Variants in ARHGAP31 observed in about 807,000 individuals in gnomAD.
ARHGAP31 encodes rho GTPase-activating protein 31.
A neutral mutation model predicts 113.9 loss-of-function variants in ARHGAP31; 34 were observed. The ratio of observed to expected loss-of-function variants is 0.30; its 90% CI spans 0.23 to 0.40. The LOEUF (loss-of-function observed/expected upper bound fraction) is 0.40, where lower values mean the gene tolerates loss of function less well. Ranked by LOEUF, ARHGAP31 falls within the 10% of genes least tolerant of loss-of-function variation. The pLI, the probability that ARHGAP31 is intolerant of heterozygous loss-of-function variation, is 1.00. For missense variants in ARHGAP31, 1,548 were observed against 1,767.1 expected, an observed-to-expected ratio of 0.88 and a Z score of 2.22; for synonymous variants, 650 against 684.8, an observed-to-expected ratio of 0.95 and a Z score of 0.79.
intron 3 of ARHGAP31, among the ~76,000 whole-genome samples, chr3:119,379,740 G>T (rs1240188385): frequency 2.0e-5 from 3 of 151,894 alleles, no homozygotes; most frequent in African/African-American, 7.3e-5. Context: ...TGATCTAGGT[G>T]GGTTACCTAG....
chr3:119,320,979 CTT>C lies in ARHGAP31; in HGVS notation c.100+25976_100+25977del, dbSNP rs913804495. ...TCTCCTTGCAAAAGCTCTCTCTTCT[CTT>C]GAGTGCCTTTAATCTTCCACCATGA... On this transcript the variant is annotated intron_variant, in intron 1 of 11. Transcript: ENST00000264245. 5.4e-4 allele frequency among the ~76,000 whole-genome samples: 82 copies of C among 152,218 alleles called. 1 individual carries two copies. The highest frequency in any genetic ancestry group is 1.2e-3 in the Admixed American group (18 of 15,278).
chr3:119,331,244 A>G (rs2079888981), intron 1 of ARHGAP31, among the ~76,000 whole-genome samples: 1 of 152,194 alleles, frequency 6.6e-6, no homozygotes, highest in African/African-American at 2.4e-5. Context: ...ACATTTCTGT[A>G]GCACTCCATG....
intron 11 of ARHGAP31, among the ~76,000 whole-genome samples, chr3:119,411,155 G>A (rs1352503513): frequency 6.6e-6 from 1 of 152,198 alleles, no homozygotes; most frequent in Non-Finnish European, 1.5e-5. Flanking sequence ...AGACTCAGGG[G>A]GATGCAGGAG....
At position 119,383,084 on chromosome 3, in the gene ARHGAP31, G is replaced by T. The variant is rs1451368293; in HGVS notation, c.540G>T (p.Arg180Ser). The T allele has an allele frequency of 1.9e-6, 3 of 1,614,138 alleles. No homozygotes were observed. In the Admixed American group the frequency reaches 5.0e-5, roughly 27 times the overall value. The change falls in exon 6 of 12, where the codon AGG becomes AGT. Residue 180 changes from arginine to serine, a missense_variant and splice_region_variant. By Grantham distance (110) the Arg-to-Ser change is moderately radical. Transcript: ENST00000264245. ...TGAATATGTTTCTTCCACACGGTAG[G>T]TCTAAAGAAATTGAAGCCACTGGTT... ...LALVWAPNLL[R>S]SKEIEATGCN...
At chr3:119,401,261 G>A (rs1279408753) in intron 9 of ARHGAP31, among the ~76,000 whole-genome samples, 1 of 152,014 alleles carries the variant, frequency 6.6e-6, no homozygotes, top group East Asian at 1.9e-4. Flanking sequence ...TGAATCAACA[G>A]GAAGAAGCCT....
intron 6 of ARHGAP31, among the ~76,000 whole-genome samples, chr3:119,386,497 C>G (rs1937517059): frequency 6.6e-6 from 1 of 152,198 alleles, no homozygotes; most frequent in South Asian, 2.1e-4. Flanking sequence ...CCCTCATGAC[C>G]TAATCACCTC....
At chr3:119,385,437 C>G (rs571476681) in intron 6 of ARHGAP31, among the ~76,000 whole-genome samples, 67 of 152,160 alleles carry the variant, frequency 4.4e-4, no homozygotes, top group Non-Finnish European at 8.5e-4. Context: ...TTTGAATATA[C>G]GTTTTCAATT....
chr3:119,312,948 T>C (rs2079695687), intron 1 of ARHGAP31, among the ~76,000 whole-genome samples: 2 of 152,368 alleles, frequency 1.3e-5, no homozygotes, highest in East Asian at 1.9e-4. Context: ...TGGAGATTGA[T>C]ATTCTTTGTT....
rs2080810237 is a variant in ARHGAP31, at chr3:119,420,300, T to A, written c.*4036T>A. On this transcript the variant is annotated 3_prime_UTR_variant, in exon 12 of 12. Transcript: ENST00000264245. ...TGCTAAGACTATGATTTTAGACATG[T>A]CTGGCAGGAAGGTCAGCTCAAAATG... The A allele has an allele frequency of 6.6e-6, 1 of 152,338 alleles. No individual in the cohort carries two copies. Among genetic ancestry groups the A allele is most frequent in the Admixed American group, 6.5e-5 (1 of 15,302 alleles). 9.4% of individuals were successfully genotyped at this position (152,338 alleles called of 1,614,324 possible). A position where few individuals can be genotyped will look rare whatever the true frequency, so the allele number is the denominator to read the frequency against.
chr3:119,330,878 T>G (rs1279426681), intron 1 of ARHGAP31, among the ~76,000 whole-genome samples: 3 of 152,210 alleles, frequency 2.0e-5, no homozygotes, highest in African/African-American at 7.2e-5. Flanking sequence ...TGCGATATAT[T>G]TATAAAGTGT....
chr3:119,352,610 CCACA>C (rs56175761), intron 1 of ARHGAP31, among the ~76,000 whole-genome samples: 1 of 150,898 alleles, frequency 6.6e-6, no homozygotes, highest in East Asian at 1.9e-4. Context: ...CTCCCTCTTC[CCACA>C]CACACACACA....
At chr3:119,303,318 A>C (rs919062090) in intron 1 of ARHGAP31, among the ~76,000 whole-genome samples, 3 of 152,200 alleles carry the variant, frequency 2.0e-5, no homozygotes, top group Non-Finnish European at 4.4e-5. Context: ...AATGGTCCCC[A>C]CAGGGGTTCA....
At chr3:119,324,768 G>A (rs2079827577) in intron 1 of ARHGAP31, 4 of 344,846 alleles carry the variant, frequency 1.2e-5, no homozygotes, top group Non-Finnish European at 2.3e-5. Flanking sequence ...TGTAGGTGAA[G>A]GCAGCACAGT....
intron 1 of ARHGAP31, among the ~76,000 whole-genome samples, chr3:119,338,587 G>A (rs979627744): frequency 6.6e-6 from 1 of 152,118 alleles, no homozygotes; most frequent in Non-Finnish European, 1.5e-5. Flanking sequence ...TAGTTCATAC[G>A]TGACATATTT....
chr3:119,411,110 G>A (rs2107645384), intron 11 of ARHGAP31, among the ~76,000 whole-genome samples: 1 of 152,310 alleles, frequency 6.6e-6, no homozygotes, highest in South Asian at 2.1e-4. Flanking sequence ...TCAAGGAATG[G>A]GAGCAAGGCT....
chr3:119,312,751 T>C (rs1485553470), intron 1 of ARHGAP31, among the ~76,000 whole-genome samples: 2 of 152,206 alleles, frequency 1.3e-5, no homozygotes, highest in Non-Finnish European at 2.9e-5. Flanking sequence ...TCCGCAAAGA[T>C]GGAAACTTGC....
At chr3:119,372,391 C>T (rs942396929) in intron 3 of ARHGAP31, among the ~76,000 whole-genome samples, 2 of 150,280 alleles carry the variant, frequency 1.3e-5, no homozygotes, top group Non-Finnish European at 2.9e-5. Context: ...TCAAGCTATT[C>T]TCCTGCCTCA....
At chr3:119,297,105 C>T (rs988136488) in intron 1 of ARHGAP31, among the ~76,000 whole-genome samples, 7 of 152,270 alleles carry the variant, frequency 4.6e-5, no homozygotes, top group East Asian at 3.9e-4. Flanking sequence ...TTGTGCTACA[C>T]GGAAATTAGA....
At chr3:119,367,152 A>G (rs2080257848) in intron 2 of ARHGAP31, among the ~76,000 whole-genome samples, 1 of 151,796 alleles carries the variant, frequency 6.6e-6, no homozygotes, top group Non-Finnish European at 1.5e-5. Flanking sequence ...AGTTTCTTTC[A>G]GGTTCTGAAA....
Sources: gnomAD v4.1 joint callset for allele counts (sites outside exome capture counted in the v4.1 genomes callset) on GRCh38, gnomAD v4.1.1 for gene constraint, MANE v1.5 for transcripts, NCBI Gene and HGNC (gene_info 2026-07-23, HGNC 2026-07-21) for gene names.